Variants in RAB28 observed in about 807,000 individuals in gnomAD.
RAB28 encodes ras-related protein Rab-28.
RAB28 carries 24 observed loss-of-function variants against 31.7 expected under a neutral mutation model. The observed-to-expected ratio is 0.76, with a 90% CI of 0.55 to 1.06. The LOEUF (loss-of-function observed/expected upper bound fraction) is 1.06. RAB28 is among the 50% of genes least tolerant of loss of function. The pLI is 0.00. For missense variants in RAB28, 254 were observed against 258.5 expected (o/e 0.98, Z 0.12); for synonymous variants, 100 against 90.4 (o/e 1.11, Z -0.60).
chr4:13,378,426 G>T (rs927443999), intron 5 of RAB28, among the ~76,000 whole-genome samples: 1 of 152,128 alleles, frequency 6.6e-6, no homozygotes, highest in African/African-American at 2.4e-5. Context: ...GCAAAAGTCT[G>T]CTGGAACTGG....
intron 4 of RAB28, among the ~76,000 whole-genome samples, chr4:13,426,568 A>G (rs1433435101): frequency 6.6e-6 from 1 of 152,154 alleles, no homozygotes; most frequent in African/African-American, 2.4e-5. Flanking sequence ...CATTTTTAAT[A>G]CTAAAAATCC....
chr4:13,411,768 T>C (rs1326191111), intron 4 of RAB28, among the ~76,000 whole-genome samples: 2 of 151,694 alleles, frequency 1.3e-5, no homozygotes, highest in African/African-American at 4.8e-5. Context: ...AAAATAAGTT[T>C]TTAAAATGTT....
At chr4:13,408,540 G>C (rs1429788587) in intron 4 of RAB28, among the ~76,000 whole-genome samples, 1 of 152,120 alleles carries the variant, frequency 6.6e-6, no homozygotes, top group African/African-American at 2.4e-5. Context: ...AATGAGTTAA[G>C]GGAGGAGTCG....
intron 4 of RAB28, among the ~76,000 whole-genome samples, chr4:13,435,063 A>G (rs1714023718): frequency 6.6e-6 from 1 of 151,416 alleles, no homozygotes; most frequent in South Asian, 2.1e-4. Context: ...AGAAAACAAT[A>G]CAAAGAGGAA....
intron 1 of RAB28, among the ~76,000 whole-genome samples, chr4:13,482,584 A>C (rs990772050): frequency 1.3e-5 from 2 of 152,212 alleles, no homozygotes; most frequent in African/African-American, 4.8e-5. Flanking sequence ...TTTATTGAAT[A>C]AAGGTGTTAG....
At chr4:13,472,736 C>T (rs1367441613) in intron 3 of RAB28, among the ~76,000 whole-genome samples, 1 of 151,900 alleles carries the variant, frequency 6.6e-6, no homozygotes, top group African/African-American at 2.4e-5. Flanking sequence ...TTATCAACCA[C>T]ATGAATGAAA....
chr4:13,386,595 T>C (rs1243435722), intron 4 of RAB28, among the ~76,000 whole-genome samples: 1 of 151,752 alleles, frequency 6.6e-6, no homozygotes, highest in Non-Finnish European at 1.5e-5. Context: ...ACCCAAAAAA[T>C]AACAGGTGCT....
At chr4:13,477,879 T>C (rs1716435300) in intron 2 of RAB28, among the ~76,000 whole-genome samples, 1 of 151,564 alleles carries the variant, frequency 6.6e-6, no homozygotes, top group South Asian at 2.1e-4. Flanking sequence ...GAAATCATCA[T>C]ATCACCTGTA....
intron 3 of RAB28, among the ~76,000 whole-genome samples, chr4:13,465,196 CAGA>C (rs1003897788): frequency 6.6e-5 from 10 of 151,754 alleles, no homozygotes; most frequent in African/African-American, 1.9e-4. Flanking sequence ...GCTGAAATAT[CAGA>C]AGAAGAGAGA....
intron 4 of RAB28, among the ~76,000 whole-genome samples, chr4:13,456,394 A>T (rs945027066): frequency 6.6e-6 from 1 of 152,248 alleles, no homozygotes; most frequent in Admixed American, 6.5e-5. Flanking sequence ...TGGTTAATAA[A>T]CTAATTCATA....
chr4:13,433,653 A>AT (rs1476571513), intron 4 of RAB28, among the ~76,000 whole-genome samples: 1 of 152,062 alleles, frequency 6.6e-6, no homozygotes, highest in African/African-American at 2.4e-5. Context: ...GTTAAAAAAA[A>AT]ATAATAGATG....
chr4:13,423,043 G>A (rs776204512), intron 4 of RAB28, among the ~76,000 whole-genome samples: 5 of 152,058 alleles, frequency 3.3e-5, no homozygotes, highest in African/African-American at 4.8e-5. Flanking sequence ...TAGTGTCTGC[G>A]ACTTATTTTG....
intron 5 of RAB28, among the ~76,000 whole-genome samples, chr4:13,377,185 C>T (rs1402017490): frequency 2.0e-5 from 3 of 152,060 alleles, no homozygotes; most frequent in Non-Finnish European, 4.4e-5. Flanking sequence ...AAAATATATG[C>T]CATTACGATT....
At chr4:13,407,836 G>A (rs1207349090) in intron 4 of RAB28, among the ~76,000 whole-genome samples, 2 of 152,174 alleles carry the variant, frequency 1.3e-5, no homozygotes, top group African/African-American at 4.8e-5. Flanking sequence ...TGGCGTACAG[G>A]AATGCCTGCA....
chr4:13,453,743 CTT>C (rs1222874711), intron 4 of RAB28, among the ~76,000 whole-genome samples: 1 of 152,030 alleles, frequency 6.6e-6, no homozygotes, highest in African/African-American at 2.4e-5. Flanking sequence ...TGACACTACT[CTT>C]TGCTGTTTTT....
At chr4:13,452,394 G>A (rs1017118713) in intron 4 of RAB28, among the ~76,000 whole-genome samples, 3 of 151,692 alleles carry the variant, frequency 2.0e-5, no homozygotes, top group Non-Finnish European at 3.0e-5. Context: ...GCTTTTTGAT[G>A]CAGGCATTTA....
chr4:13,406,967 T>C (rs1020791431), intron 4 of RAB28, among the ~76,000 whole-genome samples: 1 of 152,238 alleles, frequency 6.6e-6, no homozygotes, highest in Non-Finnish European at 1.5e-5. Flanking sequence ...ACTCTGATGA[T>C]AGTTTCTTTT....
At chr4:13,428,136 T>C (rs1300719653) in intron 4 of RAB28, among the ~76,000 whole-genome samples, 2 of 152,222 alleles carry the variant, frequency 1.3e-5, no homozygotes, top group Non-Finnish European at 2.9e-5. Flanking sequence ...GTAGATAACA[T>C]AACCAGTTAG....
chr4:13,399,534 C>T (rs910405044), intron 4 of RAB28, among the ~76,000 whole-genome samples: 2 of 152,086 alleles, frequency 1.3e-5, no homozygotes, highest in Non-Finnish European at 1.5e-5. Context: ...GTAGCTGTAC[C>T]AATTTATAAT....
Sources: gnomAD v4.1 joint callset for allele counts (sites outside exome capture counted in the v4.1 genomes callset) on GRCh38, gnomAD v4.1.1 for gene constraint, MANE v1.5 for transcripts, NCBI Gene and HGNC (gene_info 2026-07-23, HGNC 2026-07-21) for gene names.